ESF1: variants seen among roughly 807,000 people sequenced by gnomAD.
ESF1 encodes ESF1 homolog.
In ESF1, 58 loss-of-function variants were observed where a neutral mutation model predicts 92.0. The ratio of observed to expected loss-of-function variants is 0.63; its 90% CI spans 0.51 to 0.78. ESF1 has a LOEUF of 0.78. Among genes scored for constraint, ESF1 ranks in the 30% least tolerant of loss-of-function variants. The pLI is 0.00. For synonymous variants in ESF1, 321 were observed against 313.7 expected (o/e 1.02, Z -0.24); for missense variants, 922 against 989.1 (o/e 0.93, Z 0.91).
Position 13,776,689 on chromosome 20 carries a change from T to C in ESF1, c.638-419A>G, listed in dbSNP as rs565864537. On this transcript the variant is annotated intron_variant, in intron 2 of 13. Transcript: ENST00000617257. ...AAATAAAATCAATATATAGGAAAAG[T>C]TAAAATCACAACTAAGATATCCCAG... Among the ~76,000 whole-genome samples the C allele has an allele frequency of 2.0e-5, 3 of 152,264 alleles. No individual in the cohort carries two copies. In the East Asian group the frequency reaches 5.8e-4, roughly 29 times the overall value.
rs775654047 is a variant in ESF1 at position 13,733,713 on chromosome 20, AAT to A, written c.1950+6_1950+7del. On this transcript the variant is annotated splice_donor_region_variant and intron_variant, in intron 10 of 13. Coordinates refer to ENST00000617257, the MANE Select transcript of ESF1 (RefSeq NM_001276380.2). ...CAACAAACATTTGGTCATAATTATC[AAT>A]GATACCTTCTGTTTCCTTTTCAGTC... The A allele has an allele frequency of 1.6e-4, 255 of 1,609,576 alleles. 3 individuals are homozygous for A. The highest frequency in any genetic ancestry group is 8.3e-4 in the Middle Eastern group (5 of 6,028).
At position 13,782,756 on chromosome 20, in the gene ESF1, T is replaced by G; in HGVS notation, c.385A>C (p.Thr129Pro). Reference sequence around the variant, plus strand: ...ATTCCTATAGAATTATCTAAATCAGTTTTATTTTCAGAACCCTTGTGATTA... The same window carrying G: ...ATTCCTATAGAATTATCTAAATCAGGTTTATTTTCAGAACCCTTGTGATTA... The part of the protein sequence containing the change: ...KANHKGSENK[T>P]DLDNSIGIKK... Residue 129 changes from threonine (T) to proline (P), a missense_variant, in exon 2 of 14, where the codon ACT becomes CCT. Physicochemically the swap from Thr to Pro is conservative, Grantham distance 38. Transcript: ENST00000617257. 1.3e-6 allele frequency: 2 copies of G among 1,596,636 alleles called. No homozygotes were observed. Among genetic ancestry groups the G allele is most frequent in the Non-Finnish European group, 1.7e-6 (2 of 1,175,460 alleles).
intron 8 of ESF1, among the ~76,000 whole-genome samples, chr20:13,766,571 C>G (rs6079166): frequency 6.6e-6 from 1 of 151,982 alleles, no homozygotes; most frequent in Non-Finnish European, 1.5e-5. Context: ...GAAGGCCATG[C>G]TTGGTTAGGT....
chr20:13,759,587 T>C, intron 9 of ESF1, 105 bp downstream of exon 9: 5 of 1,425,554 alleles, frequency 3.5e-6, no homozygotes, highest in South Asian at 1.4e-5. Context: ...TATGCAAATA[T>C]GATGTTAAGG....
chr20:13,718,808 G>A (rs757936080), intron 12 of ESF1, 100 bp downstream of exon 12: 16 of 738,354 alleles, frequency 2.2e-5, no homozygotes, highest in Non-Finnish European at 3.0e-5. Flanking sequence ...AAATGCCACT[G>A]CTAAAATAAG....
chr20:13,753,944 A>G (rs1242684727), intron 9 of ESF1, among the ~76,000 whole-genome samples: 1 of 152,224 alleles, frequency 6.6e-6, no homozygotes, highest in Admixed American at 6.5e-5. Context: ...TAGTAGTCTG[A>G]GACTAACAAT....
intron 7 of ESF1, among the ~76,000 whole-genome samples, chr20:13,768,854 G>A (rs193080152): frequency 1.8e-4 from 24 of 134,914 alleles, no homozygotes; most frequent in East Asian, 1.5e-3. Context: ...CAGAGATCGC[G>A]CCACTGCACT....
At chr20:13,772,748 C>A in intron 4 of ESF1, 133 bp from the exon 5 acceptor site, 1 of 608,838 alleles carries the variant, frequency 1.6e-6, no homozygotes, top group Non-Finnish European at 2.9e-6. Context: ...ACTTCCAAAT[C>A]CACTATAGGA....
chr20:13,719,759 G>C (rs1019666542), intron 11 of ESF1, among the ~76,000 whole-genome samples: 1 of 151,868 alleles, frequency 6.6e-6, no homozygotes, highest in Admixed American at 6.6e-5. Flanking sequence ...TACTGGAAGA[G>C]ACAAAGAAAA....
At chr20:13,715,251 G>A (rs765469127) in intron 13 of ESF1, 84 bp from the exon 14 acceptor site, 44 of 1,274,876 alleles carry the variant, frequency 3.5e-5, no homozygotes, top group African/African-American at 7.5e-5. Context: ...GCCAAATTTC[G>A]AAAGTTGGTG....
intron 9 of ESF1, among the ~76,000 whole-genome samples, chr20:13,756,078 T>G (rs1978879804): frequency 1.3e-5 from 2 of 152,180 alleles, no homozygotes; most frequent in Non-Finnish European, 2.9e-5. Flanking sequence ...AAAACACACA[T>G]TTCTTAAGAC....
intron 9 of ESF1, among the ~76,000 whole-genome samples, chr20:13,757,353 A>G (rs905332651): frequency 6.6e-6 from 1 of 152,218 alleles, no homozygotes; most frequent in African/African-American, 2.4e-5. Context: ...TACAGATAAC[A>G]GGTGTAAATA....
At chr20:13,746,305 TATAA>T (rs1310732784) in intron 9 of ESF1, among the ~76,000 whole-genome samples, 1 of 152,184 alleles carries the variant, frequency 6.6e-6, no homozygotes, top group Non-Finnish European at 1.5e-5. Context: ...CACTTTAATA[TATAA>T]ATATATACAC....
In ESF1 at chr20:13,772,561, G is replaced by T; in HGVS notation, c.1204C>A (p.Pro402Thr). ...TCAGGAATACTTAATAGCTCTACTG[G>T]TCCTTGAACTTGCTCTTCCTTCATC... ...ERMKEEQVQG[P>T]VELLSIPEDA... The change falls in exon 5 of 14, where the codon CCA (proline) becomes ACA (threonine). Residue 402 changes from proline to threonine, a missense_variant. Pro to Thr is a conservative substitution (Grantham distance 38). Coordinates refer to ENST00000617257, the MANE Select transcript of ESF1 (RefSeq NM_001276380.2). The T allele has an allele frequency of 6.2e-7, 1 of 1,612,964 alleles. No homozygotes were observed. The highest frequency in any genetic ancestry group is 8.5e-7 in the Non-Finnish European group (1 of 1,179,518).
At chr20:13,772,462 C>A in intron 5 of ESF1, 53 bp downstream of exon 5, 17 of 1,331,726 alleles carry the variant, frequency 1.3e-5, no homozygotes, top group Non-Finnish European at 1.7e-5. Flanking sequence ...GAATTCTGAA[C>A]TAATGACATG....
At chr20:13,770,375 T>G (rs768038357) in intron 6 of ESF1, among the ~76,000 whole-genome samples, 2 of 152,226 alleles carry the variant, frequency 1.3e-5, no homozygotes, top group African/African-American at 4.8e-5. Flanking sequence ...CATGATTTTG[T>G]TGTTGTTTTT....
chr20:13,739,927 G>A (rs1229881051), intron 9 of ESF1, among the ~76,000 whole-genome samples: 1 of 152,124 alleles, frequency 6.6e-6, no homozygotes, highest in Non-Finnish European at 1.5e-5. Context: ...AAGCCAAGAT[G>A]CTTAAGGGTG....
intron 4 of ESF1, among the ~76,000 whole-genome samples, chr20:13,774,774 C>G (rs1979848786): frequency 6.6e-6 from 1 of 152,120 alleles, no homozygotes; most frequent in Non-Finnish European, 1.5e-5. Flanking sequence ...TCACATAGGT[C>G]ATTTGTGTTT....
intron 8 of ESF1, among the ~76,000 whole-genome samples, chr20:13,765,708 A>G (rs1264729888): frequency 3.9e-5 from 6 of 152,222 alleles, no homozygotes; most frequent in Admixed American, 3.9e-4. Flanking sequence ...CATCTGCAGA[A>G]GCCAGGGAAC....
Sources: allele counts gnomAD v4.1 joint callset (sites outside exome capture counted in the v4.1 genomes callset), GRCh38; gene constraint gnomAD v4.1.1; transcripts MANE v1.5; gene names NCBI Gene and HGNC (gene_info 2026-07-23, HGNC 2026-07-21).